Variants in NRG1 observed in about 807,000 individuals in gnomAD.
NRG1 encodes neuregulin 1.
Under a neutral mutation model 63.8 loss-of-function variants are expected in NRG1, and 18 were observed. The ratio of observed to expected loss-of-function variants is 0.28; its 90% confidence interval spans 0.19 to 0.42. The LOEUF is 0.42. Among genes scored for constraint, NRG1 ranks in the 10% least tolerant of loss-of-function variants. The pLI, the probability that NRG1 is intolerant of heterozygous loss-of-function variation, is 1.00. For missense variants in NRG1, 762 were observed against 814.7 expected (o/e 0.94, Z 0.79); for synonymous variants, 302 against 301.3 (o/e 1.00, Z -0.02).
At chr8:32,723,207 A>G (rs1821091198) in intron 5 of NRG1, among the ~76,000 whole-genome samples, 1 of 152,196 alleles carries the variant, frequency 6.6e-6, no homozygotes, top group African/African-American at 2.4e-5. Flanking sequence ...GAGAAGTCCC[A>G]CAGCTAATAA....
chr8:32,171,038 G>A (rs781437852), intron 1 of NRG1, among the ~76,000 whole-genome samples: 7 of 152,156 alleles, frequency 4.6e-5, no homozygotes, highest in Non-Finnish European at 8.8e-5. Context: ...GTCCATTAGC[G>A]GATTTTCTTT....
rs141732775 is a variant in NRG1 at position 32,053,752 on chromosome 8, A to G, written c.37+414321A>G. Among the ~76,000 whole-genome samples the G allele has an allele frequency of 7.2e-4, 109 of 152,284 alleles. 1 individual carries two copies. The highest frequency in any genetic ancestry group is 1.3e-3 in the Non-Finnish European group (91 of 68,024). On this transcript the variant is annotated intron_variant, in intron 1 of 10. Transcript: ENST00000519301. ...TACATGAGCAAAAAGAATGATGAGG[A>G]GTCATGGTGAGCAGAAGCTCTCTTC...
chr8:31,959,831 T>G (rs1805143445), intron 1 of NRG1, among the ~76,000 whole-genome samples: 1 of 146,512 alleles, frequency 6.8e-6, no homozygotes, highest in Admixed American at 7.1e-5. Flanking sequence ...ATTTATTTAT[T>G]TATTTATTAT....
intron 1 of NRG1, among the ~76,000 whole-genome samples, chr8:31,892,163 C>T (rs1237719800): frequency 6.6e-6 from 1 of 152,098 alleles, no homozygotes; most frequent in Non-Finnish European, 1.5e-5. Flanking sequence ...TTATTTCTTA[C>T]AACTGCCTAT....
chr8:32,503,407 C>A (rs1381464749), intron 1 of NRG1, among the ~76,000 whole-genome samples: 2 of 150,204 alleles, frequency 1.3e-5, no homozygotes, highest in African/African-American at 4.9e-5. Context: ...GAATATCCGT[C>A]ATTTAACTTA....
At position 31,767,282 on chromosome 8, in the gene NRG1, T is replaced by C. The variant is rs541539833; in HGVS notation, c.37+127851T>C. Among the ~76,000 whole-genome samples, 70 of 152,356 alleles carry C rather than the reference T, an allele frequency of 4.6e-4. 1 individual carries two copies. Among genetic ancestry groups the C allele is most frequent in the South Asian group, 1.0e-3 (5 of 4,830 alleles). On this transcript the variant is annotated intron_variant, in intron 1 of 10. Transcript: ENST00000519301. ...ATTTTTCACTGGCACAAACTGCAGA[T>C]ACTTTACTTGTTGATTAATTTGTTA...
intron 1 of NRG1, among the ~76,000 whole-genome samples, chr8:32,455,003 C>T (rs1821430009): frequency 6.6e-6 from 1 of 152,138 alleles, no homozygotes; most frequent in Non-Finnish European, 1.5e-5. Flanking sequence ...ACTTGCTGTA[C>T]AGGTTTGTAG....
At chr8:32,718,338 A>G (rs1819768530) in intron 5 of NRG1, among the ~76,000 whole-genome samples, 1 of 152,188 alleles carries the variant, frequency 6.6e-6, no homozygotes, top group South Asian at 2.1e-4. Flanking sequence ...TCATGTATAT[A>G]AATATAAAGT....
At chr8:31,928,007 A>AG (rs1177060657) in intron 1 of NRG1, among the ~76,000 whole-genome samples, 1 of 150,794 alleles carries the variant, frequency 6.6e-6, no homozygotes, top group Non-Finnish European at 1.5e-5. Flanking sequence ...AAAAAAAAAA[A>AG]AAAACCTTGT....
chr8:31,658,370 C>T (rs1485521158), intron 1 of NRG1, among the ~76,000 whole-genome samples: 3 of 152,192 alleles, frequency 2.0e-5, no homozygotes, highest in African/African-American at 7.2e-5. Context: ...TTTTAGTTTT[C>T]TCTTTGTAAA....
Position 31,640,066 on chromosome 8 carries a change from C to T in NRG1, c.37+635C>T. The T allele has an allele frequency of 9.7e-6, 11 of 1,136,180 alleles. No homozygotes were observed. The highest frequency in any genetic ancestry group is 1.6e-5 in the African/African-American group (1 of 60,632). The allele number at this position is 1,136,180 out of a possible 1,614,324, so 70.4% of individuals were successfully genotyped here. A position where few individuals can be genotyped will look rare whatever the true frequency, so the allele number is the denominator to read the frequency against. ...CCCCGGCTCCGCCGCCCGCTCGTCG[C>T]CGCCGCTGCCGCTGCTGCCACTACT... On this transcript the variant is annotated intron_variant, in intron 1 of 10. Transcript: ENST00000519301. This position sits in a 1 kb window ranked among gnomAD's most constrained non-coding sequence, Gnocchi z 6.3.
intron 1 of NRG1, among the ~76,000 whole-genome samples, chr8:32,319,583 G>A (rs1801141403): frequency 6.6e-6 from 1 of 152,042 alleles, no homozygotes; most frequent in South Asian, 2.1e-4. Flanking sequence ...GAAAATTGTT[G>A]GAGAATATGA....
At chr8:31,725,250 A>G (rs1813309539) in intron 1 of NRG1, among the ~76,000 whole-genome samples, 1 of 152,236 alleles carries the variant, frequency 6.6e-6, no homozygotes, top group East Asian at 1.9e-4. Context: ...TGATGTTGGG[A>G]TTGCATTTAC....
Position 32,661,564 on chromosome 8 carries a change from C to T in NRG1, c.502+44679C>T, listed in dbSNP as rs150794336. On this transcript the variant is annotated intron_variant, in intron 5 of 11. Transcript: ENST00000356819. ...TTGTGAAATGACTGGGTCTTAAATA[C>T]ATGCAGCTAGTAAGAAACACGGGCT... 3.1e-4 allele frequency among the ~76,000 whole-genome samples: 47 copies of T among 151,144 alleles called. No homozygotes were observed. In the East Asian group the frequency reaches 8.5e-3, roughly 27 times the overall value.
At chr8:32,261,097 G>T (rs937049823) in intron 1 of NRG1, among the ~76,000 whole-genome samples, 1 of 152,176 alleles carries the variant, frequency 6.6e-6, no homozygotes, top group African/African-American at 2.4e-5. Flanking sequence ...AAGTTGCAAA[G>T]ATAGTACAGA....
chr8:32,647,401 G>A (rs1359346078), intron 5 of NRG1: 5 of 985,212 alleles, frequency 5.1e-6, no homozygotes, highest in Non-Finnish European at 1.2e-6. Context: ...TTAATCAGCC[G>A]GCAGCTCCGT....
chr8:32,670,710 G>C (rs1467722904), intron 5 of NRG1, among the ~76,000 whole-genome samples: 2 of 152,076 alleles, frequency 1.3e-5, no homozygotes, highest in Non-Finnish European at 2.9e-5. Flanking sequence ...ATACACAGAG[G>C]GTGCTCAGAC....
chr8:31,854,250 T>C (rs1363757312), intron 1 of NRG1, among the ~76,000 whole-genome samples: 1 of 152,012 alleles, frequency 6.6e-6, no homozygotes, highest in Non-Finnish European at 1.5e-5. Context: ...CCTGGACTCT[T>C]TTTGGTTGGT....
intron 1 of NRG1, among the ~76,000 whole-genome samples, chr8:32,088,234 A>G (rs1025006082): frequency 5.9e-5 from 9 of 152,200 alleles, no homozygotes; most frequent in Non-Finnish European, 1.5e-5. Flanking sequence ...GCCAGGAACT[A>G]TATCTTCCTC....
Sources: gnomAD v4.1 joint callset for allele counts (sites outside exome capture counted in the v4.1 genomes callset) on GRCh38, gnomAD v4.1.1 for gene constraint, Gnocchi (gnomAD v3.1) non-coding constraint, MANE v1.5 for transcripts, NCBI Gene and HGNC (gene_info 2026-07-23, HGNC 2026-07-21) for gene names.